Variants in GLIPR1 observed in about 807,000 individuals in gnomAD.
The protein encoded by GLIPR1 is glioma pathogenesis-related protein 1.
GLIPR1 carries 38 observed loss-of-function variants against 30.3 expected under a neutral mutation model. The ratio of observed to expected loss-of-function variants is 1.26; its 90% CI spans 0.97 to 1.65. The LOEUF (loss-of-function observed/expected upper bound fraction) is 1.65. Among genes scored for constraint, GLIPR1 ranks in the 40% most tolerant of loss-of-function variants. The probability of loss-of-function intolerance (pLI) is 0.00; values close to 1 mark genes in which losing one functional copy is unlikely to be tolerated. For missense variants in GLIPR1, 285 were observed against 326.5 expected, an observed-to-expected ratio of 0.87 and a Z score of 0.98; for synonymous variants, 122 against 110.6, an observed-to-expected ratio of 1.10 and a Z score of -0.65.
rs1406290617 is a variant in GLIPR1, at chr12:75,500,607, A to ATT, written c.*1629_*1630insTT. On this transcript the variant is annotated 3_prime_UTR_variant, in exon 6 of 6. Coordinates refer to ENST00000266659, the MANE Select transcript of GLIPR1 (RefSeq NM_006851.3). ...ACAACATTTTGGTAATAAAGACAATAATTTGAGAGTGTGTGGAAGTCCCCC... is the reference window on the plus strand; with the variant it reads ...ACAACATTTTGGTAATAAAGACAATATTATTTGAGAGTGTGTGGAAGTCCCCC... 18 of 152,006 alleles carry ATT rather than the reference A, an allele frequency of 1.2e-4. No individual in the cohort carries two copies. The highest frequency in any genetic ancestry group is 2.5e-4 in the Non-Finnish European group (17 of 67,966). 9.4% of individuals were successfully genotyped at this position (152,006 alleles called of 1,614,324 possible). A position where few individuals can be genotyped will look rare whatever the true frequency, so the allele number is the denominator to read the frequency against.
At chr12:75,481,805 C>A in intron 1 of GLIPR1, 29 bp from the exon 2 acceptor site, 1 of 1,608,244 alleles carries the variant, frequency 6.2e-7, no homozygotes, top group Non-Finnish European at 8.5e-7. Flanking sequence ...TCAGATGAAC[C>A]CCCTATTGTT....
rs1027513045 is a variant in GLIPR1, at chr12:75,503,096, G to A, written c.*4118G>A. 6.6e-6 allele frequency: 1 copy of A among 152,118 alleles called. No individual in the cohort carries two copies. Among genetic ancestry groups the A allele is most frequent in the African/African-American group, 2.4e-5 (1 of 41,422 alleles). 9.4% of individuals were successfully genotyped at this position (152,118 alleles called of 1,614,324 possible). ...GGAATAATGAAGCAAGAACCCCCAG[G>A]AGACAGGTGAAGATGGAATTCAAAG... On this transcript the variant is annotated 3_prime_UTR_variant, in exon 6 of 6. Coordinates refer to ENST00000266659, the MANE Select transcript of GLIPR1 (RefSeq NM_006851.3).
rs1380466211 is a variant in GLIPR1, at chr12:75,480,760, T to G, written c.-121T>G. On this transcript the variant is annotated 5_prime_UTR_variant, in exon 1 of 6. Transcript: ENST00000266659. Reference sequence around the variant, plus strand: ...TGATGAACTCATGCTCTGTTCTGTTTTCTCAAAGCTGAAGTCGGCTAGGTT... The same window carrying G: ...TGATGAACTCATGCTCTGTTCTGTTGTCTCAAAGCTGAAGTCGGCTAGGTT... The G allele has an allele frequency of 6.1e-6, 4 of 655,436 alleles. No homozygotes were observed. The highest frequency in any genetic ancestry group is 1.1e-5 in the Non-Finnish European group (4 of 379,156). The allele number at this position is 655,436 out of a possible 1,614,324, so 40.6% of individuals were successfully genotyped here.
chr12:75,481,849 C>G lies in GLIPR1; in HGVS notation c.190C>G (p.Leu64Val), dbSNP rs199803624. The G allele has an allele frequency of 2.5e-6, 4 of 1,614,102 alleles. No homozygotes were observed. Among genetic ancestry groups the G allele is most frequent in the Non-Finnish European group, 2.5e-6 (3 of 1,179,964 alleles). Residue 64 changes from leucine (L) to valine (V), a missense_variant, in exon 2 of 6, where the codon CTA becomes GTA. By Grantham distance (32) the Leu-to-Val change is conservative. Transcript: ENST00000266659. The stretch of plus-strand genomic sequence containing the variant: ...ATTTTTGCAGACTTGGGACCCAGCA[C>G]TAGCCCAAATTGCAAAAGCATGGGC... ...DMLYMTWDPA[L>V]AQIAKAWASN... is the part of the protein sequence containing the mutation.
intron 2 of GLIPR1, among the ~76,000 whole-genome samples, chr12:75,483,233 T>C (rs1304813581): frequency 2.0e-5 from 3 of 152,232 alleles, no homozygotes; most frequent in Non-Finnish European, 4.4e-5. Flanking sequence ...TTTCCTTGGA[T>C]TCCAACAAGA....
intron 2 of GLIPR1, among the ~76,000 whole-genome samples, chr12:75,489,158 GAATCTTTTGTTCAGAAAGCAAAAGA>G (rs2046308262): frequency 6.6e-6 from 1 of 152,130 alleles, no homozygotes; most frequent in Admixed American, 6.5e-5. Flanking sequence ...AAATGATGTG[GAATCTTTTGTTCAGAAAGCAAAAGA>G]AAAGCACCAC....
intron 4 of GLIPR1, chr12:75,498,294 C>CT (rs1360599825): frequency 1.3e-5 from 2 of 156,462 alleles, no homozygotes; most frequent in Non-Finnish European, 2.8e-5. Flanking sequence ...AGGTCACTGT[C>CT]TTTTCACTAT....
chr12:75,498,911 T>TAATA lies in GLIPR1; in HGVS notation c.735_738dup (p.Leu247AsnfsTer16), dbSNP rs749611302. 3 of 1,604,700 alleles carry TAATA rather than the reference T, an allele frequency of 1.9e-6. No homozygotes were observed. The highest frequency in any genetic ancestry group is 2.6e-6 in the Non-Finnish European group (3 of 1,171,804). ...TTTCTCATTGTTAATTCAGTAATTC[T>TAATA]AATACTGTCTGTTATAATTACCATT... On this transcript the variant is annotated frameshift_variant, in exon 6 of 6. Transcript: ENST00000266659. LOFTEE classifies it high-confidence loss of function.
chr12:75,480,892 A>G lies in GLIPR1; in HGVS notation c.12A>G (p.Thr4=), dbSNP rs1196953132. MRV[T]LATIAWMVSF... ...ATGCCAGACAAAGCATGCGTGTCAC[A>G]CTTGCTACAATAGCCTGGATGGTTT... is the stretch of plus-strand genomic sequence containing the variant. Residue 4 remains threonine, a synonymous_variant, in exon 1 of 6, where the codon ACA becomes ACG. Transcript: ENST00000266659. The G allele has an allele frequency of 6.2e-6, 10 of 1,610,908 alleles. No individual in the cohort carries two copies. The highest frequency in any genetic ancestry group is 8.5e-6 in the Non-Finnish European group (10 of 1,177,906).
intron 4 of GLIPR1, 35 bp from the exon 5 acceptor site, chr12:75,498,659 T>A (rs201199874): frequency 1.3e-6 from 2 of 1,581,070 alleles, no homozygotes; most frequent in Non-Finnish European, 1.7e-6. Flanking sequence ...GTCTACCCTT[T>A]TAATTTTTTT....
At chr12:75,485,953 G>A (rs934669280) in intron 2 of GLIPR1, among the ~76,000 whole-genome samples, 4 of 152,126 alleles carry the variant, frequency 2.6e-5, no homozygotes, top group African/African-American at 7.2e-5. Flanking sequence ...AAAGATGGTA[G>A]GAAGGGGTTG....
At position 75,503,578 on chromosome 12, in the gene GLIPR1, A is replaced by G. The variant is rs74108826; in HGVS notation, c.*4600A>G. The G allele has an allele frequency of 0.01, 1,816 of 178,180 alleles. 31 individuals are homozygous for G. Among genetic ancestry groups the G allele is most frequent in the African/African-American group, 0.04 (1,699 of 42,632 alleles). 11.0% of individuals were successfully genotyped at this position (178,180 alleles called of 1,614,324 possible). On this transcript the variant is annotated 3_prime_UTR_variant, in exon 6 of 6. Transcript: ENST00000266659. Reference sequence around the variant, plus strand: ...TTCAGAACAAGAACAACCATAGAGCACACAGTCACAATAATGTTGCCAAAT... The same window carrying G: ...TTCAGAACAAGAACAACCATAGAGCGCACAGTCACAATAATGTTGCCAAAT...
intron 4 of GLIPR1, chr12:75,496,705 C>G (rs1015246012): frequency 6.6e-6 from 1 of 152,142 alleles, no homozygotes; most frequent in African/African-American, 2.4e-5. Context: ...AGAGGAAGGA[C>G]AGAGTCGGCC....
chr12:75,487,812 G>A, intron 2 of GLIPR1: 1 of 456,312 alleles, frequency 2.2e-6, no homozygotes, highest in Non-Finnish European at 4.4e-6. Context: ...AATCCAGGGT[G>A]AGTCCGTAAA....
At position 75,499,037 on chromosome 12, in the gene GLIPR1, T is replaced by TA. The variant is rs1428681182; in HGVS notation, c.*61dup. 1 of 1,115,426 alleles carries TA rather than the reference T, an allele frequency of 9.0e-7. No individual in the cohort carries two copies. The highest frequency in any genetic ancestry group is 2.5e-5 in the East Asian group (1 of 40,378). The allele number at this position is 1,115,426 out of a possible 1,614,324, so 69.1% of individuals were successfully genotyped here. A position where few individuals can be genotyped will look rare whatever the true frequency, so the allele number is the denominator to read the frequency against. On this transcript the variant is annotated 3_prime_UTR_variant, in exon 6 of 6. Transcript: ENST00000266659. ...CCTCATTCACATATGGCTTTTTTTT[T>TA]AACCAATAACAATTAGGTGTACTTC... is the stretch of plus-strand genomic sequence containing the variant.
intron 2 of GLIPR1, among the ~76,000 whole-genome samples, chr12:75,482,295 C>A (rs188675334): frequency 9.2e-5 from 14 of 152,300 alleles, no homozygotes; most frequent in Non-Finnish European, 1.8e-4. Flanking sequence ...CCAACTTGGA[C>A]AGGCTTTGAA....
Position 75,502,803 on chromosome 12 carries a change from CAAGA to C in GLIPR1, c.*3829_*3832del, listed in dbSNP as rs1265460561. The C allele has an allele frequency of 2.6e-5, 4 of 151,928 alleles. No homozygotes were observed. The highest frequency in any genetic ancestry group is 2.6e-4 in the Admixed American group (4 of 15,214). The allele number at this position is 151,928 out of a possible 1,614,324, so 9.4% of individuals were successfully genotyped here. ...CAGAAGAAAGATAAGTCAATTACTA[CAAGA>C]AAGGGCCATAAGAAATAAGGCAGGT... On this transcript the variant is annotated 3_prime_UTR_variant, in exon 6 of 6. Transcript: ENST00000266659.
intron 4 of GLIPR1, chr12:75,497,570 G>A (rs1202586172): frequency 6.6e-6 from 1 of 152,166 alleles, no homozygotes; most frequent in African/African-American, 2.4e-5. Context: ...TACTGAATAA[G>A]TAAGATTTGT....
intron 2 of GLIPR1, among the ~76,000 whole-genome samples, chr12:75,485,557 A>ATTTATTTATTTT (rs1481453592): frequency 6.1e-5 from 9 of 148,204 alleles, no homozygotes; most frequent in African/African-American, 1.5e-4. Flanking sequence ...TTATTTATTT[A>ATTTATTTATTTT]TTTATTTTTT....
Sources: allele counts gnomAD v4.1 joint callset (sites outside exome capture counted in the v4.1 genomes callset), GRCh38; gene constraint gnomAD v4.1.1; transcripts MANE v1.5; gene names NCBI Gene and HGNC (gene_info 2026-07-23, HGNC 2026-07-21).